The following DNM3 variants were observed in gnomAD, a reference collection of about 807,000 sequenced individuals.
DNM3 encodes dynamin-3.
In DNM3, 47 loss-of-function variants were observed where a neutral mutation model predicts 101.6. The ratio of observed to expected loss-of-function variants is 0.46; its 90% CI spans 0.37 to 0.59. The LOEUF is 0.59. DNM3 is among the 20% of genes least tolerant of loss of function. The pLI, the probability that DNM3 is intolerant of heterozygous loss-of-function variation, is 0.00. For missense variants in DNM3, 849 were observed against 1,085.7 expected (o/e 0.78, Z 3.06); for synonymous variants, 385 against 387.9 (o/e 0.99, Z 0.09).
intron 14 of DNM3, among the ~76,000 whole-genome samples, chr1:172,250,518 T>G (rs1056896655): frequency 3.9e-5 from 6 of 152,274 alleles, no homozygotes; most frequent in Non-Finnish European, 5.9e-5. Context: ...AAAATCATCT[T>G]CTCTGGTGAT....
At chr1:171,981,042 T>G (rs1202090123) in intron 2 of DNM3, among the ~76,000 whole-genome samples, 1 of 152,156 alleles carries the variant, frequency 6.6e-6, no homozygotes, top group East Asian at 1.9e-4. Context: ...GGTGGGATTA[T>G]AGGCGTGAGC....
At chr1:172,277,205 A>G (rs2063324019) in intron 15 of DNM3, among the ~76,000 whole-genome samples, 1 of 152,050 alleles carries the variant, frequency 6.6e-6, no homozygotes, top group South Asian at 2.1e-4. Context: ...GAGATTTCTC[A>G]TGATCCTAAT....
At chr1:172,278,797 A>G (rs548410773) in intron 15 of DNM3, among the ~76,000 whole-genome samples, 10 of 152,286 alleles carry the variant, frequency 6.6e-5, no homozygotes, top group African/African-American at 1.4e-4. Flanking sequence ...ACCCCAGCAC[A>G]TGCTGACTAG....
At chr1:171,982,337 A>T (rs993873444) in intron 2 of DNM3, among the ~76,000 whole-genome samples, 2 of 152,154 alleles carry the variant, frequency 1.3e-5, no homozygotes, top group Non-Finnish European at 2.9e-5. Flanking sequence ...TCCCCAAACT[A>T]CAATTATCAT....
At chr1:172,078,642 T>A (rs1572410732) in intron 11 of DNM3, among the ~76,000 whole-genome samples, 1 of 152,224 alleles carries the variant, frequency 6.6e-6, no homozygotes, top group East Asian at 1.9e-4. Context: ...AATATTGTTA[T>A]GTGTGAATTT....
chr1:172,003,411 A>G (rs552138142), intron 4 of DNM3, among the ~76,000 whole-genome samples: 4 of 152,084 alleles, frequency 2.6e-5, no homozygotes, highest in Non-Finnish European at 5.9e-5. Flanking sequence ...TAATTAAACT[A>G]GATTCATACA....
At chr1:172,001,149 G>A (rs528622362) in intron 4 of DNM3, among the ~76,000 whole-genome samples, 1 of 152,160 alleles carries the variant, frequency 6.6e-6, no homozygotes, top group East Asian at 1.9e-4. Flanking sequence ...AAAGGAAGAG[G>A]ACATGGAGAC....
intron 14 of DNM3, among the ~76,000 whole-genome samples, chr1:172,219,755 C>A (rs2060840254): frequency 6.6e-6 from 1 of 152,116 alleles, no homozygotes. Context: ...TAGAGAAAAC[C>A]AGGCTGTAGC....
intron 2 of DNM3, among the ~76,000 whole-genome samples, chr1:171,924,691 G>A (rs1470794647): frequency 6.6e-6 from 1 of 152,154 alleles, no homozygotes; most frequent in East Asian, 1.9e-4. Context: ...TGAAGATTAT[G>A]GGGATTACAA....
chr1:172,262,407 A>T (rs2062696906), intron 15 of DNM3, among the ~76,000 whole-genome samples: 1 of 152,148 alleles, frequency 6.6e-6, no homozygotes, highest in Non-Finnish European at 1.5e-5. Flanking sequence ...CAGTGCCTTC[A>T]TGTGGTCTCC....
At chr1:172,222,338 G>C (rs188134909) in intron 14 of DNM3, among the ~76,000 whole-genome samples, 4 of 152,262 alleles carry the variant, frequency 2.6e-5, no homozygotes, top group Admixed American at 6.5e-5. Context: ...ATTCTGAACA[G>C]ATTTTCTCAA....
intron 12 of DNM3, among the ~76,000 whole-genome samples, chr1:172,091,656 A>G (rs76670673): frequency 0.036 from 5,452 of 152,278 alleles, 228 homozygotes; most frequent in East Asian, 0.13. Flanking sequence ...AAGAGGCAGT[A>G]GTGGGGGTTG....
At chr1:172,067,770 G>C (rs2051805003) in intron 10 of DNM3, among the ~76,000 whole-genome samples, 1 of 152,044 alleles carries the variant, frequency 6.6e-6, no homozygotes, top group Admixed American at 6.6e-5. Context: ...AATTTAGATG[G>C]GGTTAAGTGA....
intron 15 of DNM3, among the ~76,000 whole-genome samples, chr1:172,288,859 G>A (rs575689905): frequency 2.0e-4 from 30 of 152,140 alleles, no homozygotes; most frequent in Admixed American, 6.5e-4. Context: ...ATTTATTAGC[G>A]GTCAGTTTAT....
intron 14 of DNM3, among the ~76,000 whole-genome samples, chr1:172,230,986 C>T (rs555458187): frequency 1.1e-4 from 17 of 152,024 alleles, no homozygotes; most frequent in African/African-American, 4.1e-4. Context: ...TGTCCTCATA[C>T]ATCCTCTCTA....
intron 4 of DNM3, among the ~76,000 whole-genome samples, chr1:172,020,889 C>T (rs2047806894): frequency 6.6e-6 from 1 of 152,162 alleles, no homozygotes. Context: ...CTCATCCACT[C>T]TGAGCCTTCA....
At chr1:171,927,367 A>AAT (rs145210569) in intron 2 of DNM3, among the ~76,000 whole-genome samples, 2,486 of 152,172 alleles carry the variant, frequency 0.016, 72 homozygotes, top group African/African-American at 0.056. Flanking sequence ...CCCAGTGCTC[A>AAT]AGTTATCTTT....
chr1:172,023,618 T>C (rs2125760835), intron 4 of DNM3, among the ~76,000 whole-genome samples: 1 of 152,226 alleles, frequency 6.6e-6, no homozygotes, highest in East Asian at 1.9e-4. Flanking sequence ...TTGAAATATT[T>C]TACTGATATG....
chr1:172,389,039 C>A (rs928632116), intron 20 of DNM3: 19 of 563,910 alleles, frequency 3.4e-5, no homozygotes, highest in Non-Finnish European at 6.0e-5. Flanking sequence ...CTAAATAGGA[C>A]TAAAGAACAC....
Sources: allele counts gnomAD v4.1 joint callset (sites outside exome capture counted in the v4.1 genomes callset), GRCh38; gene constraint gnomAD v4.1.1; transcripts MANE v1.5; gene names NCBI Gene and HGNC (gene_info 2026-07-23, HGNC 2026-07-21).